Variants in ABLIM2 observed in about 807,000 individuals in gnomAD.
The protein encoded by ABLIM2 is actin-binding LIM protein 2.
A neutral mutation model predicts 97.7 loss-of-function variants in ABLIM2; 53 were observed. The ratio of observed to expected loss-of-function variants is 0.54; its 90% CI spans 0.44 to 0.68. ABLIM2 has a LOEUF of 0.68. Ranked by LOEUF, ABLIM2 falls within the 30% of genes least tolerant of loss-of-function variation. The pLI is 0.00. For synonymous variants in ABLIM2, 361 were observed against 345.8 expected, an observed-to-expected ratio of 1.04 and a Z score of -0.49; for missense variants, 835 against 867.2, an observed-to-expected ratio of 0.96 and a Z score of 0.47.
At position 7,992,162 on chromosome 4, in the gene ABLIM2, TG is replaced by T. The variant is rs976601366; in HGVS notation, c.1680+703del. ...CTCACTGGGGACCCCTGTGACGCTG[TG>T]GGCAGAGGAACAAACATAAGCCGCT... On this transcript the variant is annotated intron_variant, in intron 17 of 20. Transcript: ENST00000447017. The surrounding 1 kb of genome is among the most constrained non-coding windows in gnomAD (Gnocchi z 5.7). 6.6e-6 allele frequency among the ~76,000 whole-genome samples: 1 copy of T among 151,902 alleles called. No individual in the cohort carries two copies. Among genetic ancestry groups the T allele is most frequent in the African/African-American group, 2.4e-5 (1 of 41,350 alleles).
chr4:8,090,705 CTTT>C (rs930692329), intron 3 of ABLIM2, among the ~76,000 whole-genome samples: 3 of 151,324 alleles, frequency 2.0e-5, no homozygotes, highest in African/African-American at 7.3e-5. Context: ...TTAGATTTGT[CTTT>C]TTTTTTATTT....
At chr4:8,026,807 T>G (rs1198043325) in intron 12 of ABLIM2, among the ~76,000 whole-genome samples, 1 of 152,232 alleles carries the variant, frequency 6.6e-6, no homozygotes, top group African/African-American at 2.4e-5. Flanking sequence ...GAGACTGTTT[T>G]TCCTGGCTTG....
chr4:8,081,080 G>A (rs1243689107), intron 4 of ABLIM2, among the ~76,000 whole-genome samples: 2 of 152,274 alleles, frequency 1.3e-5, no homozygotes, highest in South Asian at 2.1e-4. Context: ...CAGAGGTCCT[G>A]TCTTGCAGGA....
intron 9 of ABLIM2, among the ~76,000 whole-genome samples, chr4:8,042,725 G>A (rs1789517789): frequency 6.6e-6 from 1 of 151,616 alleles, no homozygotes; most frequent in South Asian, 2.1e-4. Flanking sequence ...TATAATCCTA[G>A]CTACTTGAGA....
intron 15 of ABLIM2, among the ~76,000 whole-genome samples, 185 bp from the exon 16 acceptor site, chr4:8,008,385 C>T (rs13125250): frequency 0.81 from 123,798 of 152,188 alleles, 50,588 homozygotes; most frequent in African/African-American, 0.89. Context: ...CCTATCCAGA[C>T]GCTATACAGG....
At position 8,004,231 on chromosome 4, in the gene ABLIM2, G is replaced by T. The variant is rs1759489474; in HGVS notation, c.1618+3828C>A. Among the ~76,000 whole-genome samples, 1 of 151,860 alleles carries T rather than the reference G, an allele frequency of 6.6e-6. No homozygotes were observed. The highest frequency in any genetic ancestry group is 6.6e-5 in the Admixed American group (1 of 15,224). On this transcript the variant is annotated intron_variant, in intron 16 of 20. Coordinates refer to ENST00000447017, the MANE Select transcript of ABLIM2 (RefSeq NM_001130083.2). This position sits in a 1 kb window ranked among gnomAD's most constrained non-coding sequence, Gnocchi z 5.9. ...GACAAGCACCTCCCACCAGACATGGGACTCCGCCCGGTCCCACAGCGAGAG... is the reference window on the plus strand; with the variant it reads ...GACAAGCACCTCCCACCAGACATGGTACTCCGCCCGGTCCCACAGCGAGAG...
intron 14 of ABLIM2, among the ~76,000 whole-genome samples, chr4:8,016,564 T>C (rs1769390189): frequency 6.6e-6 from 1 of 152,168 alleles, no homozygotes; most frequent in African/African-American, 2.4e-5. Context: ...TGGTTTGCAC[T>C]GGGTCTGCCT....
rs541750427 is a variant in ABLIM2, at chr4:7,987,046, G to A, written c.1681-2153C>T. ...CACCCAGACTGGAGTGCAGTGGCAC[G>A]ATCTCAGCTCATTGCAACCTCTGCT... On this transcript the variant is annotated intron_variant, in intron 17 of 20. Transcript: ENST00000447017. 7.3e-5 allele frequency among the ~76,000 whole-genome samples: 11 copies of A among 150,160 alleles called. No individual in the cohort carries two copies. In the South Asian group the frequency reaches 1.5e-3, roughly 20 times the overall value.
Position 8,155,339 on chromosome 4 carries a change from C to T in ABLIM2, c.10+3341G>A, listed in dbSNP as rs1714954994. On this transcript the variant is annotated intron_variant, in intron 1 of 20. Coordinates refer to ENST00000447017, the MANE Select transcript of ABLIM2 (RefSeq NM_001130083.2). This position sits in a 1 kb window ranked among gnomAD's most constrained non-coding sequence, Gnocchi z 4.2. ...GTGTCTCTGTTCCAAATACTAGGAT[C>T]TGCACCGTCCACAGTCTGGGGACTA... Among the ~76,000 whole-genome samples the T allele has an allele frequency of 6.6e-6, 1 of 152,338 alleles. No homozygotes were observed.
rs756090608 is a variant in ABLIM2, at chr4:8,148,505, T to C, written c.10+10175A>G. 2.0e-5 allele frequency among the ~76,000 whole-genome samples: 3 copies of C among 152,164 alleles called. No homozygotes were observed. Among genetic ancestry groups the C allele is most frequent in the Non-Finnish European group, 4.4e-5 (3 of 68,022 alleles). ...GCCGAATCACCTCGGGAGAGTTACC[T>C]AATTCCCTGGGCCTCCGTTTGCTCA... On this transcript the variant is annotated intron_variant, in intron 1 of 20. Transcript: ENST00000447017. This position sits in a 1 kb window ranked among gnomAD's most constrained non-coding sequence, Gnocchi z 6.7.
rs1251705141 is a variant in ABLIM2, at chr4:8,091,730, A to G, written c.339-3446T>C. On this transcript the variant is annotated intron_variant, in intron 3 of 20. Transcript: ENST00000447017. ...ATAATATAATTATATAATATATATT[A>G]TATTAATATGTATTATATATTAATA... is the stretch of plus-strand genomic sequence containing the variant. Among the ~76,000 whole-genome samples, 11 of 86,338 alleles carry G rather than the reference A, an allele frequency of 1.3e-4. 1 individual carries two copies. Among genetic ancestry groups the G allele is most frequent in the Admixed American group, 4.2e-4 (2 of 4,722 alleles). 56.6% of individuals were successfully genotyped at this position (86,338 alleles called of 152,430 possible). A position where few individuals can be genotyped will look rare whatever the true frequency, so the allele number is the denominator to read the frequency against.
intron 5 of ABLIM2, among the ~76,000 whole-genome samples, chr4:8,078,917 G>T (rs1026851248): frequency 6.6e-6 from 1 of 152,224 alleles, no homozygotes; most frequent in African/African-American, 2.4e-5. Context: ...TTCCAGCATC[G>T]CTGAAGTTGC....
At chr4:8,154,618 A>C (rs906788717) in intron 1 of ABLIM2, among the ~76,000 whole-genome samples, 4 of 152,258 alleles carry the variant, frequency 2.6e-5, no homozygotes, top group African/African-American at 9.6e-5. Context: ...TCCTAACATT[A>C]GAAATTCTTT....
intron 1 of ABLIM2, among the ~76,000 whole-genome samples, chr4:8,126,921 GC>G (rs1006300720): frequency 2.4e-4 from 36 of 152,170 alleles, no homozygotes; most frequent in Non-Finnish European, 4.6e-4. Flanking sequence ...TTAAAAATTA[GC>G]CAGGTCTGGT....
intron 10 of ABLIM2, among the ~76,000 whole-genome samples, chr4:8,031,476 G>A (rs1780872997): frequency 6.6e-6 from 1 of 152,218 alleles, no homozygotes; most frequent in South Asian, 2.1e-4. Flanking sequence ...ACTGCTCTAG[G>A]GATACAGCAC....
rs577938044 is a variant in ABLIM2, at chr4:8,069,002, C to G, written c.676-7948G>C. ...CCACTGCATCCCAGAAAGAAGGGCC[C>G]CACTCTGAGCAGTGCCCAGCAAGGC... is the stretch of plus-strand genomic sequence containing the variant. On this transcript the variant is annotated intron_variant, in intron 6 of 20. Coordinates refer to ENST00000447017, the MANE Select transcript of ABLIM2 (RefSeq NM_001130083.2). The surrounding 1 kb of genome is among the most constrained non-coding windows in gnomAD (Gnocchi z 4.2). Among the ~76,000 whole-genome samples, 24 of 152,378 alleles carry G rather than the reference C, an allele frequency of 1.6e-4. No individual in the cohort carries two copies. The highest frequency in any genetic ancestry group is 1.5e-3 in the East Asian group (8 of 5,184).
At chr4:8,099,737 C>T (rs962598059) in intron 2 of ABLIM2, among the ~76,000 whole-genome samples, 3 of 151,902 alleles carry the variant, frequency 2.0e-5, no homozygotes, top group African/African-American at 7.3e-5. Context: ...CCTGGCTACT[C>T]GGGAGGCTGA....
chr4:8,036,368 G>A, intron 9 of ABLIM2, 73 bp from the exon 10 acceptor site: 1 of 1,551,452 alleles, frequency 6.4e-7, no homozygotes. Context: ...CCCAAAGCCG[G>A]ATGCATCCCA....
chr4:8,052,303 C>T (rs138287188), intron 8 of ABLIM2, among the ~76,000 whole-genome samples: 1 of 152,146 alleles, frequency 6.6e-6, no homozygotes, highest in Admixed American at 6.5e-5. Flanking sequence ...ACAAATGGTG[C>T]GGGCCCTGTG....
Sources: allele counts gnomAD v4.1 joint callset (sites outside exome capture counted in the v4.1 genomes callset), GRCh38; gene constraint gnomAD v4.1.1; non-coding constraint Gnocchi (gnomAD v3.1); transcripts MANE v1.5; gene names NCBI Gene and HGNC (gene_info 2026-07-23, HGNC 2026-07-21).